The following CYB561D1 variants were observed in gnomAD, a reference collection of about 807,000 sequenced individuals.
CYB561D1 encodes the protein cytochrome b561 family member D1.
Under a neutral mutation model 19.2 loss-of-function variants are expected in CYB561D1, and 15 were observed. The ratio of observed to expected loss-of-function variants is 0.78; its 90% CI spans 0.52 to 1.20. The LOEUF (loss-of-function observed/expected upper bound fraction) is 1.20, where lower values mean the gene tolerates loss of function less well. Ranked by LOEUF, CYB561D1 falls within the 50% of genes most tolerant of loss-of-function variation. The pLI is 0.00. For missense variants in CYB561D1, 297 were observed against 287.3 expected, an observed-to-expected ratio of 1.03 and a Z score of -0.24; for synonymous variants, 133 against 120.6, an observed-to-expected ratio of 1.10 and a Z score of -0.68.
Position 109,496,861 on chromosome 1 carries a change from G to C in CYB561D1, c.*602G>C, listed in dbSNP as rs895090500. Reference sequence around the variant, plus strand: ...ACGTGGACCACTTAGCAGACTCAGGGGGTAGTTCTTTACTCTCCCTTTACT... The same window carrying C: ...ACGTGGACCACTTAGCAGACTCAGGCGGTAGTTCTTTACTCTCCCTTTACT... On this transcript the variant is annotated 3_prime_UTR_variant, in exon 3 of 3. Coordinates refer to ENST00000420578, the MANE Select transcript of CYB561D1 (RefSeq NM_182580.3). 1 of 152,532 alleles carries C rather than the reference G, an allele frequency of 6.6e-6. No homozygotes were observed. The highest frequency in any genetic ancestry group is 1.5e-5 in the Non-Finnish European group (1 of 68,064). The allele number at this position is 152,532 out of a possible 1,614,324, so 9.4% of individuals were successfully genotyped here. A position where few individuals can be genotyped will look rare whatever the true frequency, so the allele number is the denominator to read the frequency against.
intron 1 of CYB561D1, chr1:109,494,767 G>A: frequency 2.4e-6 from 1 of 422,828 alleles, no homozygotes; most frequent in South Asian, 2.1e-5. Context: ...AACCCGGGAG[G>A]TGGAGGCTGC....
Position 109,496,429 on chromosome 1 carries a change from A to C in CYB561D1, c.*170A>C, listed in dbSNP as rs1011165823. On this transcript the variant is annotated 3_prime_UTR_variant, in exon 3 of 3. Transcript: ENST00000420578. ...TGTTGAGGAATAATTCAGTGGGTCA[A>C]AATGGGGAGATGTACTGGGTATGAG... 9.4e-5 allele frequency: 64 copies of C among 678,210 alleles called. 1 individual carries two copies. Among genetic ancestry groups the C allele is most frequent in the Non-Finnish European group, 2.6e-5 (11 of 429,628 alleles). 42.0% of individuals were successfully genotyped at this position (678,210 alleles called of 1,614,324 possible).
In CYB561D1 at chr1:109,500,140, C is replaced by T. The variant is rs1348706655; in HGVS notation, c.*3881C>T. The T allele has an allele frequency of 6.6e-6, 1 of 152,244 alleles. No individual in the cohort carries two copies. Among genetic ancestry groups the T allele is most frequent in the Non-Finnish European group, 1.5e-5 (1 of 68,046 alleles). The allele number at this position is 152,244 out of a possible 1,614,324, so 9.4% of individuals were successfully genotyped here. A position where few individuals can be genotyped will look rare whatever the true frequency, so the allele number is the denominator to read the frequency against. On this transcript the variant is annotated 3_prime_UTR_variant, in exon 3 of 3. Transcript: ENST00000420578. ...CCTGGTCTTGATGCCTCAAGCCCAGCATTTCTGGGTCCCCTCTGCAAGCTC... is the reference window on the plus strand; with the variant it reads ...CCTGGTCTTGATGCCTCAAGCCCAGTATTTCTGGGTCCCCTCTGCAAGCTC...
chr1:109,496,404 T>G lies in CYB561D1; in HGVS notation c.*145T>G, dbSNP rs1201809458. 9.1e-6 allele frequency: 8 copies of G among 880,450 alleles called. No individual in the cohort carries two copies. The East Asian group carries it at 1.9e-4, about 21-fold the overall frequency. The allele number at this position is 880,450 out of a possible 1,614,324, so 54.5% of individuals were successfully genotyped here. A position where few individuals can be genotyped will look rare whatever the true frequency, so the allele number is the denominator to read the frequency against. Reference sequence around the variant, plus strand: ...GGACTGCAGAAACCAAAGCTGCTATTGTTGAGGAATAATTCAGTGGGTCAA... The same window carrying G: ...GGACTGCAGAAACCAAAGCTGCTATGGTTGAGGAATAATTCAGTGGGTCAA... On this transcript the variant is annotated 3_prime_UTR_variant, in exon 3 of 3. Transcript: ENST00000420578.
chr1:109,495,970 C>T lies in CYB561D1; in HGVS notation c.401C>T (p.Thr134Ile). The T allele has an allele frequency of 6.2e-7, 1 of 1,611,160 alleles. No individual in the cohort carries two copies. The highest frequency in any genetic ancestry group is 8.5e-7 in the Non-Finnish European group (1 of 1,177,856). ...VSWHSWVGAL[T>I]LLATAVQALC... ...TGGCACAGCTGGGTGGGAGCCCTGACACTGCTGGCCACTGCTGTCCAGGCA... is the reference window on the plus strand; with the variant it reads ...TGGCACAGCTGGGTGGGAGCCCTGATACTGCTGGCCACTGCTGTCCAGGCA... Residue 134 changes from threonine to isoleucine, a missense_variant, in exon 3 of 3, where the codon ACA (threonine) becomes ATA (isoleucine). Thr to Ile is a moderately conservative substitution (Grantham distance 89, BLOSUM62 -1). Transcript: ENST00000420578.
chr1:109,494,114 A>C lies in CYB561D1; in HGVS notation c.-26A>C. The C allele has an allele frequency of 6.9e-7, 1 of 1,448,842 alleles. No individual in the cohort carries two copies. The highest frequency in any genetic ancestry group is 9.1e-7 in the Non-Finnish European group (1 of 1,095,446). 89.7% of individuals were successfully genotyped at this position (1,448,842 alleles called of 1,614,324 possible). On this transcript the variant is annotated 5_prime_UTR_variant, in exon 1 of 3. Transcript: ENST00000420578. ...CCGGAAGACGTGTTCGGGCAGCTGG[A>C]GTGTACGGGCCCGCGGGCCACGGCC...
At position 109,497,444 on chromosome 1, in the gene CYB561D1, C is replaced by G. The variant is rs141695368; in HGVS notation, c.*1185C>G. 9.8e-5 allele frequency: 15 copies of G among 152,378 alleles called. No homozygotes were observed. Among genetic ancestry groups the G allele is most frequent in the African/African-American group, 3.4e-4 (14 of 41,566 alleles). 9.4% of individuals were successfully genotyped at this position (152,378 alleles called of 1,614,324 possible). A position where few individuals can be genotyped will look rare whatever the true frequency, so the allele number is the denominator to read the frequency against. On this transcript the variant is annotated 3_prime_UTR_variant, in exon 3 of 3. Transcript: ENST00000420578. ...AAGAGGGGGCTGAGTTTGGTGCCAG[C>G]TGGCAAATGAGGGCTGGACTCTCTT...
intron 2 of CYB561D1, 67 bp downstream of exon 2, chr1:109,495,247 G>A: frequency 1.3e-6 from 2 of 1,570,998 alleles, no homozygotes; most frequent in Non-Finnish European, 8.8e-7. Context: ...GAAGCACCCA[G>A]CTTTCAGAAA....
intron 2 of CYB561D1, 142 bp from the exon 3 acceptor site, chr1:109,495,614 T>G: frequency 7.5e-5 from 112 of 1,493,866 alleles, no homozygotes; most frequent in Non-Finnish European, 8.9e-5. Context: ...CCAGAAATGT[T>G]GAGCTGTGAG....
intron 2 of CYB561D1, 107 bp downstream of exon 2, chr1:109,495,287 G>A (rs1250080934): frequency 7.6e-7 from 1 of 1,321,962 alleles, no homozygotes; most frequent in African/African-American, 1.5e-5. Context: ...AAGACAGGTG[G>A]AGGAAACATC....
At position 109,494,254 on chromosome 1, in the gene CYB561D1, A is replaced by G. The variant is rs765878493; in HGVS notation, c.115A>G (p.Ile39Val). ...LAHLVALGFT[I>V]FLTALSRPGT... ...GCACCTGGTAGCTTTGGGCTTCACC[A>G]TCTTTCTGACAGCGCTGTCCCGGCC... Residue 39 changes from isoleucine to valine, a missense_variant, in exon 1 of 3, where the codon ATC becomes GTC. Transcript: ENST00000420578. The G allele has an allele frequency of 5.0e-6, 8 of 1,587,290 alleles. No individual in the cohort carries two copies. Among genetic ancestry groups the G allele is most frequent in the African/African-American group, 1.3e-5 (1 of 74,360 alleles).
At chr1:109,495,573 C>T (rs1055391125) in intron 2 of CYB561D1, 183 bp from the exon 3 acceptor site, 8 of 1,126,546 alleles carry the variant, frequency 7.1e-6, no homozygotes, top group Non-Finnish European at 1.0e-5. Context: ...AATGAGGAGA[C>T]GTGCACTCAA....
At chr1:109,495,067 A>C in intron 1 of CYB561D1, 76 bp from the exon 2 acceptor site, 1 of 1,526,194 alleles carries the variant, frequency 6.6e-7, no homozygotes, top group Non-Finnish European at 9.1e-7. Context: ...CTGTGGCTAG[A>C]TTCTTTGGGT....
At position 109,497,009 on chromosome 1, in the gene CYB561D1, C is replaced by T. The variant is rs999976334; in HGVS notation, c.*750C>T. On this transcript the variant is annotated 3_prime_UTR_variant, in exon 3 of 3. Transcript: ENST00000420578. ...GGGACTCAGGTGAGGGTCTTCTGGA[C>T]TCTAAGACGGTAAAGGCACTAAAGT... is the stretch of plus-strand genomic sequence containing the variant. The T allele has an allele frequency of 5.9e-5, 9 of 152,706 alleles. No individual in the cohort carries two copies. Among genetic ancestry groups the T allele is most frequent in the African/African-American group, 1.9e-4 (8 of 41,460 alleles). 9.5% of individuals were successfully genotyped at this position (152,706 alleles called of 1,614,324 possible). A position where few individuals can be genotyped will look rare whatever the true frequency, so the allele number is the denominator to read the frequency against.
Position 109,495,180 on chromosome 1 carries a change from G to C in CYB561D1, c.186G>C (p.Ala62=), listed in dbSNP as rs1190218697. The C allele has an allele frequency of 1.2e-6, 2 of 1,614,180 alleles. No homozygotes were observed. The highest frequency in any genetic ancestry group is 3.3e-5 in the Admixed American group (2 of 60,032). ...GGCACCCTGTATTCATGGCCTTGGCGGTGAGTTTAGGCTTCTATCTGATTT... is the reference window on the plus strand; with the variant it reads ...GGCACCCTGTATTCATGGCCTTGGCCGTGAGTTTAGGCTTCTATCTGATTT... The part of the protein sequence containing the change: ...FSWHPVFMAL[A]FCLCMAEAIL... Residue 62 remains alanine (A), a splice_region_variant and synonymous_variant, in exon 2 of 3, where the codon GCG becomes GCC. Coordinates refer to ENST00000420578, the MANE Select transcript of CYB561D1 (RefSeq NM_182580.3).
At position 109,494,446 on chromosome 1, in the gene CYB561D1, G is replaced by A. The variant is rs544838461; in HGVS notation, c.148+159G>A. 77 of 1,548,264 alleles carry A rather than the reference G, an allele frequency of 5.0e-5. No individual in the cohort carries two copies. The East Asian group carries it at 1.8e-3, about 35-fold the overall frequency. On this transcript the variant is annotated intron_variant, in intron 1 of 2. Transcript: ENST00000420578. Reference sequence around the variant, plus strand: ...GGGCCTGGTGGGGCGGGGCCCCAGGGATCCTGGAATAATGGGGTTTTGGGT... The same window carrying A: ...GGGCCTGGTGGGGCGGGGCCCCAGGAATCCTGGAATAATGGGGTTTTGGGT...
chr1:109,494,632 T>A (rs1657401187), intron 1 of CYB561D1: 1 of 1,261,642 alleles, frequency 7.9e-7, no homozygotes, highest in Non-Finnish European at 1.0e-6. Flanking sequence ...AGGTCAGGAG[T>A]TCGAGACCAG....
chr1:109,495,468 G>T (rs1657473906), intron 2 of CYB561D1, among the ~76,000 whole-genome samples: 1 of 152,212 alleles, frequency 6.6e-6, no homozygotes, highest in Non-Finnish European at 1.5e-5. Flanking sequence ...CTCCCGACTT[G>T]TCCCCAAAGT....
chr1:109,494,466 T>G, intron 1 of CYB561D1, 179 bp downstream of exon 1: 2 of 1,547,844 alleles, frequency 1.3e-6, no homozygotes, highest in Non-Finnish European at 1.7e-6. Flanking sequence ...TAATGGGGTT[T>G]TGGGTGCTGT....
Sources: allele counts gnomAD v4.1 joint callset (sites outside exome capture counted in the v4.1 genomes callset), GRCh38; gene constraint gnomAD v4.1.1; transcripts MANE v1.5; gene names NCBI Gene and HGNC (gene_info 2026-07-23, HGNC 2026-07-21).